Variants in EPHA6 observed in about 807,000 individuals in gnomAD.
EPHA6 encodes the protein ephrin type-A receptor 6.
A neutral mutation model predicts 112.0 loss-of-function variants in EPHA6; 50 were observed. The observed-to-expected ratio is 0.45, with a 90% CI of 0.36 to 0.56. The LOEUF is 0.56. Ranked by LOEUF, EPHA6 falls within the 20% of genes least tolerant of loss-of-function variation. The probability of loss-of-function intolerance (pLI) is 0.00; values close to 1 mark genes in which losing one functional copy is unlikely to be tolerated. For missense variants in EPHA6, 1,280 were observed against 1,417.4 expected (o/e 0.90, Z 1.56); for synonymous variants, 529 against 490.7 (o/e 1.08, Z -1.03).
chr3:96,905,591 T>TG (rs2038889406), intron 2 of EPHA6, among the ~76,000 whole-genome samples: 1 of 152,088 alleles, frequency 6.6e-6, no homozygotes, highest in Non-Finnish European at 1.5e-5. Flanking sequence ...TAGCACTGGA[T>TG]TCTAGAATAG....
At chr3:97,050,445 G>T (rs576402329) in intron 3 of EPHA6, among the ~76,000 whole-genome samples, 1 of 152,296 alleles carries the variant, frequency 6.6e-6, no homozygotes, top group South Asian at 2.1e-4. Flanking sequence ...AAAAGGCACA[G>T]CCAGTAAGTA....
chr3:97,551,447 A>G (rs1302667310), intron 11 of EPHA6, among the ~76,000 whole-genome samples: 1 of 152,162 alleles, frequency 6.6e-6, no homozygotes, highest in African/African-American at 2.4e-5. Flanking sequence ...CAATTGTCAA[A>G]CAAAGACATC....
chr3:97,700,864 G>A (rs1288118098), intron 14 of EPHA6, among the ~76,000 whole-genome samples: 7 of 152,106 alleles, frequency 4.6e-5, no homozygotes, highest in East Asian at 1.9e-4. Context: ...CAGAGCCAGC[G>A]TTCCCATCAC....
intron 3 of EPHA6, among the ~76,000 whole-genome samples, chr3:97,115,853 G>A (rs1435124501): frequency 1.3e-5 from 2 of 151,726 alleles, no homozygotes; most frequent in Non-Finnish European, 2.9e-5. Flanking sequence ...TATATGATAC[G>A]TTATTGAACC....
chr3:97,458,671 G>T lies in EPHA6; in HGVS notation c.1894+9941G>T, dbSNP rs540838944. On this transcript the variant is annotated intron_variant, in intron 7 of 17. Transcript: ENST00000389672. The stretch of plus-strand genomic sequence containing the variant: ...TATTTTAAATATTGTTACATAAGTT[G>T]TTACCCTTGGAAGTAAAAATGATTT... 4.1e-4 allele frequency among the ~76,000 whole-genome samples: 62 copies of T among 152,108 alleles called. 1 individual carries two copies. In the South Asian group the frequency reaches 0.01, roughly 26 times the overall value.
At chr3:97,671,923 G>A (rs984544675) in intron 14 of EPHA6, among the ~76,000 whole-genome samples, 1 of 152,126 alleles carries the variant, frequency 6.6e-6, no homozygotes, top group African/African-American at 2.4e-5. Context: ...CTGCAAAGTT[G>A]TTTAGATTCT....
intron 4 of EPHA6, among the ~76,000 whole-genome samples, chr3:97,238,160 G>A (rs1187902206): frequency 6.6e-6 from 1 of 151,942 alleles, no homozygotes; most frequent in African/African-American, 2.4e-5. Flanking sequence ...CAAGTGTCTA[G>A]AGAACTGTAT....
At chr3:97,052,579 A>G (rs1215979435) in intron 3 of EPHA6, among the ~76,000 whole-genome samples, 1 of 152,096 alleles carries the variant, frequency 6.6e-6, no homozygotes, top group East Asian at 1.9e-4. Context: ...CATTGAATGT[A>G]TGGGAAAGTA....
At chr3:97,226,213 A>C (rs1407858040) in intron 3 of EPHA6, 51 bp from the exon 4 acceptor site, 1 of 1,491,154 alleles carries the variant, frequency 6.7e-7, no homozygotes, top group Non-Finnish European at 9.1e-7. Context: ...TGTACAAATA[A>C]AAGAATCCTA....
chr3:97,346,995 G>C (rs898330653), intron 5 of EPHA6, among the ~76,000 whole-genome samples: 2 of 152,010 alleles, frequency 1.3e-5, no homozygotes, highest in Non-Finnish European at 2.9e-5. Flanking sequence ...GGCTTACGTG[G>C]AGCAAGAAAT....
At chr3:97,508,740 T>TA (rs1447790421) in intron 10 of EPHA6, among the ~76,000 whole-genome samples, 1 of 152,136 alleles carries the variant, frequency 6.6e-6, no homozygotes, top group Non-Finnish European at 1.5e-5. Flanking sequence ...TTGATTTGTC[T>TA]AACATTGACA....
In EPHA6 at chr3:97,168,834, G is replaced by C. The variant is rs141202283; in HGVS notation, c.1115-57430G>C. Among the ~76,000 whole-genome samples, 34 of 152,188 alleles carry C rather than the reference G, an allele frequency of 2.2e-4. 1 individual carries two copies. In the East Asian group the frequency reaches 6.4e-3, roughly 29 times the overall value. On this transcript the variant is annotated intron_variant, in intron 3 of 17. Coordinates refer to ENST00000389672, the MANE Select transcript of EPHA6 (RefSeq NM_001080448.3). The stretch of plus-strand genomic sequence containing the variant: ...CTGATATGGAAAATTGGTACCAGGA[G>C]TGGGTTATTGCTATAAAGATACCTG...
chr3:96,945,214 T>A (rs537697561), intron 2 of EPHA6, among the ~76,000 whole-genome samples: 2 of 152,340 alleles, frequency 1.3e-5, no homozygotes, highest in East Asian at 3.9e-4. Context: ...ATCTTTCCCC[T>A]AGATTAATAA....
At chr3:97,655,645 T>G (rs1247070984) in intron 14 of EPHA6, among the ~76,000 whole-genome samples, 2 of 151,004 alleles carry the variant, frequency 1.3e-5, no homozygotes, top group Admixed American at 6.7e-5. Context: ...ATATACCCAG[T>G]AATGGGATGG....
At chr3:96,833,453 G>C (rs1263988035) in intron 1 of EPHA6, among the ~76,000 whole-genome samples, 1 of 151,854 alleles carries the variant, frequency 6.6e-6, no homozygotes, top group African/African-American at 2.4e-5. Context: ...AAATGTCTGT[G>C]TTCTGTGTCA....
At chr3:97,396,214 A>G (rs1023948280) in intron 5 of EPHA6, among the ~76,000 whole-genome samples, 1 of 151,198 alleles carries the variant, frequency 6.6e-6, no homozygotes, top group East Asian at 1.9e-4. Context: ...GCATGTGTAT[A>G]TGAGTGTGCT....
intron 3 of EPHA6, among the ~76,000 whole-genome samples, chr3:97,074,891 G>A (rs2046467879): frequency 6.6e-6 from 1 of 151,984 alleles, no homozygotes; most frequent in South Asian, 2.1e-4. Context: ...AAACAGAACA[G>A]AGTTATGCTT....
intron 1 of EPHA6, among the ~76,000 whole-genome samples, chr3:96,816,006 A>C (rs867847346): frequency 1.3e-5 from 2 of 152,158 alleles, no homozygotes; most frequent in Non-Finnish European, 2.9e-5. Flanking sequence ...TTATCATTTA[A>C]CACATAAGGC....
intron 14 of EPHA6, among the ~76,000 whole-genome samples, chr3:97,647,369 G>A (rs1431626847): frequency 6.6e-6 from 1 of 152,138 alleles, no homozygotes; most frequent in East Asian, 1.9e-4. Flanking sequence ...AGTTGTAGCA[G>A]AAGGTTTTTC....
Sources: gnomAD v4.1 joint callset for allele counts (sites outside exome capture counted in the v4.1 genomes callset) on GRCh38, gnomAD v4.1.1 for gene constraint, MANE v1.5 for transcripts, NCBI Gene and HGNC (gene_info 2026-07-23, HGNC 2026-07-21) for gene names.